Variants in GALNT1 observed in about 807,000 individuals in gnomAD.
GALNT1 encodes the protein polypeptide N-acetylgalactosaminyltransferase 1, also known as GalNAc transferase 1.
A neutral mutation model predicts 65.7 loss-of-function variants in GALNT1; 17 were observed. That is an observed-to-expected ratio of 0.26 (90% confidence interval 0.18 to 0.39). The LOEUF is 0.39. Ranked by LOEUF, GALNT1 falls within the 10% of genes least tolerant of loss-of-function variation. The probability of loss-of-function intolerance (pLI) is 1.00; values close to 1 mark genes in which losing one functional copy is unlikely to be tolerated. For missense variants in GALNT1, 460 were observed against 672.8 expected, an observed-to-expected ratio of 0.68 and a Z score of 3.50; for synonymous variants, 210 against 219.7, an observed-to-expected ratio of 0.96 and a Z score of 0.39.
intron 11 of GALNT1, among the ~76,000 whole-genome samples, chr18:35,707,299 T>G (rs957417299): frequency 3.9e-5 from 6 of 152,236 alleles, no homozygotes; most frequent in African/African-American, 1.2e-4. Context: ...TGATTAATTA[T>G]AGCTTTTATC....
intron 1 of GALNT1, among the ~76,000 whole-genome samples, chr18:35,640,975 A>G (rs769198186): frequency 8.5e-5 from 13 of 152,250 alleles, no homozygotes; most frequent in Admixed American, 3.3e-4. Flanking sequence ...CATAGAAAAT[A>G]TGAACCGTAA....
intron 9 of GALNT1, among the ~76,000 whole-genome samples, chr18:35,697,987 C>T (rs1474659910): frequency 6.6e-6 from 1 of 152,152 alleles, no homozygotes; most frequent in Admixed American, 6.5e-5. Flanking sequence ...TCAGAAAGTA[C>T]AAACCAAACT....
intron 9 of GALNT1, among the ~76,000 whole-genome samples, chr18:35,697,456 A>T (rs187365574): frequency 6.6e-6 from 1 of 152,330 alleles, no homozygotes; most frequent in African/African-American, 2.4e-5. Context: ...TCCTACCAAT[A>T]GTCATGATAT....
chr18:35,640,805 C>T (rs912991543), intron 1 of GALNT1, among the ~76,000 whole-genome samples: 2 of 152,142 alleles, frequency 1.3e-5, no homozygotes, highest in African/African-American at 2.4e-5. Flanking sequence ...GTATTACACT[C>T]CTTTAGAGAG....
intron 1 of GALNT1, among the ~76,000 whole-genome samples, chr18:35,585,755 C>T (rs915243060): frequency 6.6e-6 from 1 of 152,226 alleles, no homozygotes; most frequent in East Asian, 1.9e-4. Context: ...ATTCACTCAG[C>T]ATAATTCTCT....
intron 4 of GALNT1, among the ~76,000 whole-genome samples, chr18:35,681,645 G>C (rs1442794873): frequency 6.6e-6 from 1 of 152,058 alleles, no homozygotes; most frequent in African/African-American, 2.4e-5. Context: ...ATCCAGTCTT[G>C]ATTGATCTAA....
intron 1 of GALNT1, among the ~76,000 whole-genome samples, chr18:35,594,462 A>T (rs2046481691): frequency 6.6e-6 from 1 of 152,114 alleles, no homozygotes. Flanking sequence ...GCTGTAAAGA[A>T]TAGTAAGGCT....
At chr18:35,601,576 A>G (rs2046583258) in intron 1 of GALNT1, among the ~76,000 whole-genome samples, 2 of 152,110 alleles carry the variant, frequency 1.3e-5, no homozygotes, top group South Asian at 4.2e-4. Context: ...GTTTATTTCT[A>G]TAAATATCCC....
intron 1 of GALNT1, among the ~76,000 whole-genome samples, chr18:35,620,436 TG>T (rs1350128686): frequency 1.3e-5 from 2 of 152,204 alleles, no homozygotes; most frequent in African/African-American, 4.8e-5. Flanking sequence ...AACTATTGAA[TG>T]AACAACTAGC....
chr18:35,626,210 C>T (rs1321221336), intron 1 of GALNT1, among the ~76,000 whole-genome samples: 1 of 152,200 alleles, frequency 6.6e-6, no homozygotes, highest in East Asian at 1.9e-4. Context: ...TGCAAACTCA[C>T]TTTGTTGTCT....
At chr18:35,685,385 T>C (rs1192506205) in intron 5 of GALNT1, among the ~76,000 whole-genome samples, 1 of 151,406 alleles carries the variant, frequency 6.6e-6, no homozygotes, top group East Asian at 1.9e-4. Context: ...CCATAGATAA[T>C]GAAAAAGGGT....
chr18:35,691,208 C>A lies in GALNT1; in HGVS notation c.1159+16C>A. On this transcript the variant is annotated intron_variant, in intron 8 of 11. Coordinates refer to ENST00000269195, the MANE Select transcript of GALNT1 (RefSeq NM_020474.4). ...ATTTCTCCAGGTTAGCGTTGTTTTG[C>A]ATTAGAAATACAAGGCTGTACCTTT... 1 of 1,583,462 alleles carries A rather than the reference C, an allele frequency of 6.3e-7. No homozygotes were observed. The highest frequency in any genetic ancestry group is 8.6e-7 in the Non-Finnish European group (1 of 1,166,956).
chr18:35,688,250 ATTC>A (rs2047899439), intron 6 of GALNT1, among the ~76,000 whole-genome samples: 1 of 152,156 alleles, frequency 6.6e-6, no homozygotes, highest in Admixed American at 6.5e-5. Context: ...TCCTTTTCTC[ATTC>A]TTTTTTTCTT....
intron 3 of GALNT1, among the ~76,000 whole-genome samples, chr18:35,676,400 C>G (rs891559541): frequency 1.3e-5 from 2 of 152,144 alleles, no homozygotes; most frequent in East Asian, 1.9e-4. Context: ...GATGGGGCCC[C>G]TACGATGACT....
At chr18:35,685,220 A>G (rs2047848690) in intron 5 of GALNT1, among the ~76,000 whole-genome samples, 1 of 152,114 alleles carries the variant, frequency 6.6e-6, no homozygotes, top group Non-Finnish European at 1.5e-5. Context: ...AGCAATATAC[A>G]CACACACACG....
intron 3 of GALNT1, among the ~76,000 whole-genome samples, chr18:35,665,509 A>G (rs1262413794): frequency 1.3e-5 from 2 of 152,192 alleles, no homozygotes; most frequent in Non-Finnish European, 1.5e-5. Context: ...GAGCCCACCA[A>G]CTTTTTGGGA....
intron 1 of GALNT1, among the ~76,000 whole-genome samples, chr18:35,653,847 G>A (rs1339567810): frequency 2.0e-5 from 3 of 152,178 alleles, no homozygotes; most frequent in African/African-American, 7.2e-5. Context: ...TAAAATTATT[G>A]TCAGAGCCAA....
At chr18:35,586,536 G>C (rs927659990) in intron 1 of GALNT1, among the ~76,000 whole-genome samples, 3 of 149,126 alleles carry the variant, frequency 2.0e-5, no homozygotes, top group African/African-American at 7.6e-5. Flanking sequence ...TTTCCCTTGT[G>C]CTTTTTTTCC....
chr18:35,587,423 A>C (rs1254382341), intron 1 of GALNT1, among the ~76,000 whole-genome samples: 1 of 152,222 alleles, frequency 6.6e-6, no homozygotes, highest in South Asian at 2.1e-4. Flanking sequence ...AGTCTTTGTG[A>C]TCTTGGGGGA....
Sources: gnomAD v4.1 joint callset for allele counts (sites outside exome capture counted in the v4.1 genomes callset) on GRCh38, gnomAD v4.1.1 for gene constraint, MANE v1.5 for transcripts, NCBI Gene and HGNC (gene_info 2026-07-23, HGNC 2026-07-21) for gene names.